The following IL1RAPL2 variants were observed in gnomAD, a reference collection of about 807,000 sequenced individuals.
IL1RAPL2 encodes interleukin 1 receptor accessory protein like 2, also known as X-linked interleukin-1 receptor accessory protein-like 2.
Under a neutral mutation model 44.1 loss-of-function variants are expected in IL1RAPL2, and 3 were observed. The ratio of observed to expected loss-of-function variants is 0.07; its 90% CI spans 0.03 to 0.18. The LOEUF (loss-of-function observed/expected upper bound fraction) is 0.18, where lower values mean the gene tolerates loss of function less well. Among genes scored for constraint, IL1RAPL2 ranks in the 10% least tolerant of loss-of-function variants. The pLI, the probability that IL1RAPL2 is intolerant of heterozygous loss-of-function variation, is 1.00. For synonymous variants in IL1RAPL2, 181 were observed against 178.8 expected (o/e 1.01, Z -0.10); for missense variants, 391 against 496.4 (o/e 0.79, Z 2.02).
Position 104,862,575 on chromosome X carries a change from G to T in IL1RAPL2, c.82+203580G>T, listed in dbSNP as rs149187614. Among the ~76,000 whole-genome samples the T allele has an allele frequency of 6.3e-3, 698 of 110,960 alleles. 3 individuals are homozygous for T. The highest frequency in any genetic ancestry group is 0.022 in the African/African-American group (667 of 30,571). ...GAAGCCCCTAGAAGAAACCAATCCT[G>T]TGGACACACTGATCTCAGATTTCTA... is the stretch of plus-strand genomic sequence containing the variant. On this transcript the variant is annotated intron_variant, in intron 2 of 10. Transcript: ENST00000372582.
chrX:105,638,050 T>A (rs2037537184), intron 6 of IL1RAPL2, among the ~76,000 whole-genome samples: 1 of 110,511 alleles, frequency 9.0e-6, no homozygotes, highest in South Asian at 3.9e-4. Context: ...TTCCATTCAT[T>A]TGCAGACTCA....
At chrX:105,765,435 A>AT (rs1263572839) in intron 10 of IL1RAPL2, 1 of 111,180 alleles carries the variant, frequency 9.0e-6, no homozygotes, top group African/African-American at 3.3e-5. Flanking sequence ...TTCACTGCTT[A>AT]TTTTTTCCCC....
chrX:104,918,116 C>T (rs984141450), intron 2 of IL1RAPL2, among the ~76,000 whole-genome samples: 2 of 112,156 alleles, frequency 1.8e-5, no homozygotes, highest in Admixed American at 9.5e-5. Context: ...CATGGTCTGT[C>T]GCTACCAGTG....
chrX:105,139,832 A>C (rs1048607240), intron 2 of IL1RAPL2, among the ~76,000 whole-genome samples: 2 of 112,440 alleles, frequency 1.8e-5, no homozygotes, highest in African/African-American at 6.5e-5. Flanking sequence ...TATTCCATAG[A>C]AAACAAGTAG....
At chrX:105,537,824 A>C (rs1250956610) in intron 6 of IL1RAPL2, among the ~76,000 whole-genome samples, 1 of 110,516 alleles carries the variant, frequency 9.0e-6, no homozygotes, top group African/African-American at 3.3e-5. Context: ...AAACTCCTCT[A>C]TCTCCCTGTC....
In IL1RAPL2 at chrX:104,804,465, C is replaced by A; in HGVS notation, c.82+145470C>A. Reference sequence around the variant, plus strand: ...GGTGCAGGGCCCTCTCACTCCTGGTCTGCCCAAATAAGCCCAAAAACTCCC... The same window carrying A: ...GGTGCAGGGCCCTCTCACTCCTGGTATGCCCAAATAAGCCCAAAAACTCCC... On this transcript the variant is annotated intron_variant, in intron 2 of 10. Coordinates refer to ENST00000372582, the MANE Select transcript of IL1RAPL2 (RefSeq NM_017416.2). The A allele has an allele frequency of 2.6e-5, 3 of 113,981 alleles. No individual in the cohort carries two copies. The South Asian group carries it at 9.5e-4, about 36-fold the overall frequency. 9.4% of individuals were successfully genotyped at this position (113,981 alleles called of 1,213,427 possible). A position where few individuals can be genotyped will look rare whatever the true frequency, so the allele number is the denominator to read the frequency against.
At chrX:104,579,087 G>GT (rs1928295048) in intron 1 of IL1RAPL2, among the ~76,000 whole-genome samples, 1 of 111,585 alleles carries the variant, frequency 9.0e-6, no homozygotes, top group Non-Finnish European at 1.9e-5. Flanking sequence ...AAAAGTTGAA[G>GT]TTGTCTTTAA....
At chrX:104,968,634 C>G (rs1351525312) in intron 2 of IL1RAPL2, among the ~76,000 whole-genome samples, 5 of 111,119 alleles carry the variant, frequency 4.5e-5, no homozygotes, top group Non-Finnish European at 9.5e-5. Flanking sequence ...ACATAGAAAA[C>G]CTGAGATAAT....
intron 5 of IL1RAPL2, among the ~76,000 whole-genome samples, chrX:105,290,925 TA>T (rs1346125843): frequency 1.8e-5 from 2 of 111,354 alleles, no homozygotes; most frequent in Non-Finnish European, 3.8e-5. Context: ...TCTCTTTTGC[TA>T]AGGCAAAAAT....
intron 5 of IL1RAPL2, among the ~76,000 whole-genome samples, chrX:105,465,897 CAGTA>C (rs1252571457): frequency 4.5e-5 from 5 of 111,599 alleles, no homozygotes; most frequent in African/African-American, 1.6e-4. Flanking sequence ...TGTTAGCTGT[CAGTA>C]AGTATTGTTC....
chrX:105,053,067 G>A (rs1444271705), intron 2 of IL1RAPL2, among the ~76,000 whole-genome samples: 1 of 110,649 alleles, frequency 9.0e-6, no homozygotes, highest in Non-Finnish European at 1.9e-5. Context: ...TGTTGGTCTT[G>A]CTGGGAGCTG....
At chrX:105,590,813 T>TTGTGTGTGTGTGTG (rs199802193) in intron 6 of IL1RAPL2, among the ~76,000 whole-genome samples, 6 of 97,220 alleles carry the variant, frequency 6.2e-5, no homozygotes, top group African/African-American at 2.0e-4. Context: ...TGGCCTGAAT[T>TTGTGTGTGTGTGTG]TGTGTGTGTG....
intron 1 of IL1RAPL2, among the ~76,000 whole-genome samples, chrX:104,585,287 ATATATTATATAT>A (rs1928505560): frequency 1.2e-4 from 1 of 8,200 alleles, no homozygotes; most frequent in Non-Finnish European, 1.7e-4. Flanking sequence ...ATATTATATA[ATATATTATATAT>A]TATATATTAT....
chrX:105,751,963 T>C (rs2038600828), intron 9 of IL1RAPL2, among the ~76,000 whole-genome samples: 1 of 112,079 alleles, frequency 8.9e-6, no homozygotes, highest in Admixed American at 9.5e-5. Context: ...TCTATAATAG[T>C]ATTTCCTAAA....
chrX:104,928,761 A>C (rs1196903608), intron 2 of IL1RAPL2, among the ~76,000 whole-genome samples: 2 of 111,361 alleles, frequency 1.8e-5, no homozygotes, highest in Non-Finnish European at 3.8e-5. Context: ...ACTTCGTAGA[A>C]TAAGAAAGGC....
At chrX:105,418,047 A>C (rs189643662) in intron 5 of IL1RAPL2, among the ~76,000 whole-genome samples, 194 of 111,422 alleles carry the variant, frequency 1.7e-3, no homozygotes, top group Non-Finnish European at 2.9e-3. Flanking sequence ...CACTTACAGC[A>C]TTTTTCATAT....
chrX:104,582,604 CTT>C (rs1201425146), intron 1 of IL1RAPL2, among the ~76,000 whole-genome samples: 11 of 32,222 alleles, frequency 3.4e-4, no homozygotes, highest in African/African-American at 9.6e-4. Flanking sequence ...CTTTTTCTTT[CTT>C]TCTTTCTTTC....
intron 2 of IL1RAPL2, among the ~76,000 whole-genome samples, chrX:104,902,691 A>G (rs1177526512): frequency 1.8e-5 from 2 of 111,987 alleles, no homozygotes; most frequent in Non-Finnish European, 3.8e-5. Context: ...TTTCCTGTCT[A>G]TATGTATATA....
At chrX:105,426,149 G>A (rs1054108320) in intron 5 of IL1RAPL2, among the ~76,000 whole-genome samples, 10 of 109,418 alleles carry the variant, frequency 9.1e-5, no homozygotes, top group Non-Finnish European at 1.9e-4. Flanking sequence ...CCCAGACATA[G>A]CAGGCACTCA....
Sources: gnomAD v4.1 joint callset for allele counts (sites outside exome capture counted in the v4.1 genomes callset) on GRCh38, gnomAD v4.1.1 for gene constraint, MANE v1.5 for transcripts, NCBI Gene and HGNC (gene_info 2026-07-23, HGNC 2026-07-21) for gene names.